PCSK6: variants seen among roughly 807,000 people sequenced by gnomAD.
PCSK6 encodes the protein proprotein convertase subtilisin/kexin type 6.
In PCSK6, 85 loss-of-function variants were observed where a neutral mutation model predicts 123.3. The ratio of observed to expected loss-of-function variants is 0.69; its 90% CI spans 0.58 to 0.83. PCSK6 has a LOEUF of 0.83. PCSK6 is among the 40% of genes least tolerant of loss of function. The pLI is 0.00. For synonymous variants in PCSK6, 508 were observed against 516.0 expected (o/e 0.98, Z 0.21); for missense variants, 1,191 against 1,282.3 (o/e 0.93, Z 1.09).
chr15:101,411,677 G>A (rs1342822499), intron 6 of PCSK6, among the ~76,000 whole-genome samples: 2 of 152,160 alleles, frequency 1.3e-5, no homozygotes, highest in Non-Finnish European at 2.9e-5. Context: ...TACACAATAA[G>A]TAGGCCAAAT....
At chr15:101,430,261 C>T (rs1472736144) in intron 4 of PCSK6, among the ~76,000 whole-genome samples, 198 bp from the exon 5 acceptor site, 7 of 148,058 alleles carry the variant, frequency 4.7e-5, no homozygotes, top group East Asian at 3.9e-4. Context: ...CTCGAGTGTG[C>T]GGCTCAGTGG....
intron 6 of PCSK6, among the ~76,000 whole-genome samples, chr15:101,408,673 C>T (rs2141611451): frequency 6.6e-6 from 1 of 152,330 alleles, no homozygotes; most frequent in African/African-American, 2.4e-5. Flanking sequence ...CCCCCAAGCC[C>T]CCCAGTGCAT....
rs572610230 is a variant in PCSK6, at chr15:101,450,620, G to A, written c.298-6960C>T. ...TGCCTGATGAAATGAACAGACTTCT[G>A]TCTCCAAATGACATTGGGAGGATAC... is the stretch of plus-strand genomic sequence containing the variant. On this transcript the variant is annotated intron_variant, in intron 1 of 21. Transcript: ENST00000611716. Among the ~76,000 whole-genome samples the A allele has an allele frequency of 3.9e-5, 6 of 152,308 alleles. No homozygotes were observed. The South Asian group carries it at 1.0e-3, about 26-fold the overall frequency.
chr15:101,350,252 G>C (rs186017318), intron 13 of PCSK6, among the ~76,000 whole-genome samples: 1 of 152,130 alleles, frequency 6.6e-6, no homozygotes, highest in Non-Finnish European at 1.5e-5. Context: ...ACTATCTTGT[G>C]TTTACTGGTT....
intron 1 of PCSK6, among the ~76,000 whole-genome samples, chr15:101,484,837 C>T (rs909939773): frequency 1.3e-5 from 2 of 152,152 alleles, no homozygotes; most frequent in African/African-American, 4.8e-5. Context: ...TAGAGTCTTG[C>T]ATGGTGTGAC....
rs566331963 is a variant in PCSK6 at position 101,480,497 on chromosome 15, C to G, written c.297+8877G>C. On this transcript the variant is annotated intron_variant, in intron 1 of 21. Transcript: ENST00000611716. ...CCATGGGAACCCTAGGCTGCTGATCCCATCCCATGGAGCGTGAGGCTCCTG... is the reference window on the plus strand; with the variant it reads ...CCATGGGAACCCTAGGCTGCTGATCGCATCCCATGGAGCGTGAGGCTCCTG... Among the ~76,000 whole-genome samples the G allele has an allele frequency of 8.7e-4, 132 of 152,350 alleles. 1 individual carries two copies. The highest frequency in any genetic ancestry group is 1.1e-3 in the Non-Finnish European group (78 of 68,040).
At chr15:101,380,250 C>T (rs1275832201) in intron 11 of PCSK6, among the ~76,000 whole-genome samples, 4 of 152,210 alleles carry the variant, frequency 2.6e-5, no homozygotes, top group African/African-American at 9.6e-5. Context: ...ATAAAAACAA[C>T]CACTCGCCAC....
At chr15:101,326,038 A>G (rs976876297) in intron 16 of PCSK6, among the ~76,000 whole-genome samples, 1 of 152,256 alleles carries the variant, frequency 6.6e-6, no homozygotes, top group Non-Finnish European at 1.5e-5. Context: ...GGACAGCACC[A>G]GGGCCTTGAA....
chr15:101,412,871 C>G (rs2055746033), intron 6 of PCSK6, among the ~76,000 whole-genome samples: 1 of 151,446 alleles, frequency 6.6e-6, no homozygotes, highest in Non-Finnish European at 1.5e-5. Flanking sequence ...ACCTGTAATC[C>G]CAGCCCTTTG....
At chr15:101,429,184 A>G (rs1369710356) in intron 5 of PCSK6, among the ~76,000 whole-genome samples, 2 of 152,190 alleles carry the variant, frequency 1.3e-5, no homozygotes, top group African/African-American at 2.4e-5. Flanking sequence ...TTCCCTCTAA[A>G]TATTTTTAGA....
intron 13 of PCSK6, among the ~76,000 whole-genome samples, chr15:101,350,906 T>A (rs1423337538): frequency 6.6e-6 from 1 of 152,258 alleles, no homozygotes; most frequent in Non-Finnish European, 1.5e-5. Context: ...TTTCAGAACC[T>A]TTGTGAGCTG....
chr15:101,306,670 G>A (rs933800449), intron 21 of PCSK6, among the ~76,000 whole-genome samples: 1 of 152,238 alleles, frequency 6.6e-6, no homozygotes, highest in African/African-American at 2.4e-5. Flanking sequence ...GCCCTTTTAA[G>A]TTTCTGTTTT....
At chr15:101,472,201 C>T (rs916374075) in intron 1 of PCSK6, among the ~76,000 whole-genome samples, 3 of 152,226 alleles carry the variant, frequency 2.0e-5, no homozygotes, top group Non-Finnish European at 2.9e-5. Context: ...CAAAGCCCCA[C>T]GGCCAGGTGG....
chr15:101,442,867 T>C (rs1207061214), intron 2 of PCSK6, among the ~76,000 whole-genome samples: 1 of 152,152 alleles, frequency 6.6e-6, no homozygotes, highest in African/African-American at 2.4e-5. Context: ...TCGTTTTCTG[T>C]CAGCCCTGCC....
chr15:101,456,788 C>G (rs1000314816), intron 1 of PCSK6, among the ~76,000 whole-genome samples: 6 of 152,150 alleles, frequency 3.9e-5, no homozygotes, highest in African/African-American at 1.4e-4. Flanking sequence ...AGGGGGAATA[C>G]ACAAGGTGAG....
At chr15:101,408,392 T>C (rs2042842062) in intron 6 of PCSK6, among the ~76,000 whole-genome samples, 1 of 152,236 alleles carries the variant, frequency 6.6e-6, no homozygotes, top group Admixed American at 6.5e-5. Flanking sequence ...CCCAGGGCTA[T>C]GCAGCCCACA....
intron 3 of PCSK6, 187 bp from the exon 4 acceptor site, chr15:101,431,650 T>C: frequency 1.4e-6 from 1 of 733,342 alleles, no homozygotes. Flanking sequence ...ACGGCTCCCT[T>C]GCTTTTTCTG....
At chr15:101,413,596 A>C (rs138749113) in intron 6 of PCSK6, among the ~76,000 whole-genome samples, 137 of 152,306 alleles carry the variant, frequency 9.0e-4, no homozygotes, top group Middle Eastern at 3.4e-3. Flanking sequence ...AGAGATTGGC[A>C]AGTGAATCTA....
intron 1 of PCSK6, among the ~76,000 whole-genome samples, chr15:101,467,242 GGTCTTGTATAAGGCTGTTCTTA>G (rs1567243043): frequency 6.6e-6 from 1 of 151,308 alleles, no homozygotes; most frequent in African/African-American, 2.4e-5. Context: ...GTGTACTAGC[GGTCTTGTATAAGGCTGTTCTTA>G]GCAACAATTC....
Sources: gnomAD v4.1 joint callset for allele counts (sites outside exome capture counted in the v4.1 genomes callset) on GRCh38, gnomAD v4.1.1 for gene constraint, MANE v1.5 for transcripts, NCBI Gene and HGNC (gene_info 2026-07-23, HGNC 2026-07-21) for gene names.